The following NEDD4 variants were observed in gnomAD, a reference collection of about 807,000 sequenced individuals.
The protein encoded by NEDD4 is NEDD4 E3 ubiquitin protein ligase.
A neutral mutation model predicts 144.9 loss-of-function variants in NEDD4; 99 were observed. That is an observed-to-expected ratio of 0.68 (90% CI 0.58 to 0.81). NEDD4 has a LOEUF of 0.81. Among genes scored for constraint, NEDD4 ranks in the 30% least tolerant of loss-of-function variants. The pLI is 0.00. For missense variants in NEDD4, 985 were observed against 1,065.9 expected (o/e 0.92, Z 1.06); for synonymous variants, 318 against 350.6 (o/e 0.91, Z 1.04).
At chr15:55,896,050 A>G (rs67958775) in intron 5 of NEDD4, among the ~76,000 whole-genome samples, 21,760 of 152,124 alleles carry the variant, frequency 0.14, 1,703 homozygotes, top group East Asian at 0.36. Context: ...CTTGGCATGG[A>G]ATTCTAGTTT....
rs775374627 is a variant in NEDD4, at chr15:55,833,072, T to G, written c.2463A>C (p.Ile821=). The G allele has an allele frequency of 6.8e-6, 11 of 1,613,418 alleles. No individual in the cohort carries two copies. The highest frequency in any genetic ancestry group is 8.5e-6 in the Non-Finnish European group (10 of 1,179,746). ...TGCCAGTGACAAACTGAAGTAATCT[T>G]ATTCTTTTTTCTGAATCCATCATTA... ...AVLMMDSEKR[I]RLLQFVTGTS... Residue 821 remains isoleucine (I), a synonymous_variant, in exon 27 of 29, where the codon ATA becomes ATC. Transcript: ENST00000435532.
intron 24 of NEDD4, 39 bp from the exon 25 acceptor site, chr15:55,834,325 C>T: frequency 1.5e-6 from 2 of 1,351,182 alleles, no homozygotes; most frequent in Non-Finnish European, 2.1e-6. Flanking sequence ...ATGGGCAGGG[C>T]CAATGGCCTT....
chr15:55,833,954 C>T, intron 26 of NEDD4, 84 bp downstream of exon 26: 1 of 966,388 alleles, frequency 1.0e-6, no homozygotes, highest in South Asian at 1.5e-5. Context: ...AAATGTAATC[C>T]ACCAGTATAG....
chr15:55,858,239 T>TA (rs1354427015), intron 11 of NEDD4, among the ~76,000 whole-genome samples: 2 of 151,934 alleles, frequency 1.3e-5, no homozygotes, highest in South Asian at 2.1e-4. Flanking sequence ...TTACTTTAAG[T>TA]AAAAAAAATA....
intron 1 of NEDD4, among the ~76,000 whole-genome samples, chr15:55,971,796 T>C (rs1406364460): frequency 6.6e-6 from 1 of 152,086 alleles, no homozygotes; most frequent in East Asian, 1.9e-4. Context: ...CAAAGAAGAC[T>C]ACCTTAAGAC....
chr15:55,831,800 C>T (rs951090282), intron 27 of NEDD4, among the ~76,000 whole-genome samples: 4 of 152,280 alleles, frequency 2.6e-5, no homozygotes, highest in Admixed American at 2.0e-4. Flanking sequence ...GCAGCAGTCC[C>T]GACTTGTAGT....
chr15:55,827,357 G>A lies in NEDD4; in HGVS notation c.*2540C>T, dbSNP rs1051680934. ...TCTGGGATAAGGGGCTGTGTTGCTT[G>A]ATAGATGTTTCTTCCAGACCACGAG... is the stretch of plus-strand genomic sequence containing the variant. On this transcript the variant is annotated 3_prime_UTR_variant, in exon 29 of 29. Coordinates refer to ENST00000435532, the MANE Select transcript of NEDD4 (RefSeq NM_006154.4). The A allele has an allele frequency of 6.6e-6, 1 of 152,196 alleles. No individual in the cohort carries two copies. Among genetic ancestry groups the A allele is most frequent in the Non-Finnish European group, 1.5e-5 (1 of 68,030 alleles). 9.4% of individuals were successfully genotyped at this position (152,196 alleles called of 1,614,324 possible).
chr15:55,951,466 T>G, intron 3 of NEDD4, 45 bp downstream of exon 3: 4 of 1,409,526 alleles, frequency 2.8e-6, no homozygotes, highest in Non-Finnish European at 3.8e-6. Context: ...CTTATAAAAA[T>G]AAAACAAAGT....
At chr15:55,983,147 A>G (rs1416972948) in intron 1 of NEDD4, among the ~76,000 whole-genome samples, 1 of 152,090 alleles carries the variant, frequency 6.6e-6, no homozygotes, top group African/African-American at 2.4e-5. Context: ...TCTAGGTGAT[A>G]TATTTTAGGC....
intron 5 of NEDD4, among the ~76,000 whole-genome samples, chr15:55,915,083 A>T (rs2036392823): frequency 6.6e-6 from 1 of 152,108 alleles, no homozygotes. Context: ...CATTTTGTAC[A>T]CTGGTAAAAT....
In NEDD4 at chr15:55,946,471, TA is replaced by T. The variant is rs1490813673; in HGVS notation, c.237+4904del. Among the ~76,000 whole-genome samples the T allele has an allele frequency of 2.0e-5, 3 of 152,146 alleles. No individual in the cohort carries two copies. The East Asian group carries it at 5.8e-4, about 29-fold the overall frequency. Reference sequence around the variant, plus strand: ...AGAAGAGCTAACTATCCTAAATATATATGCACCCAATACAGAAGCACCCAGA... The same window carrying T: ...AGAAGAGCTAACTATCCTAAATATATTGCACCCAATACAGAAGCACCCAGA... On this transcript the variant is annotated intron_variant, in intron 4 of 28. Transcript: ENST00000435532.
chr15:55,830,673 T>C, intron 27 of NEDD4, 87 bp from the exon 28 acceptor site: 1 of 965,372 alleles, frequency 1.0e-6, no homozygotes, highest in Non-Finnish European at 1.7e-6. Context: ...CACTAGTTCC[T>C]ACACACACAC....
intron 1 of NEDD4, among the ~76,000 whole-genome samples, chr15:55,967,529 T>A (rs67522850): frequency 0.15 from 22,625 of 151,702 alleles, 1,834 homozygotes; most frequent in East Asian, 0.32. Flanking sequence ...AATTTGTGGA[T>A]CTAGTTCTTG....
intron 21 of NEDD4, among the ~76,000 whole-genome samples, chr15:55,838,828 TAATC>T (rs1406839000): frequency 6.6e-6 from 1 of 152,114 alleles, no homozygotes. Context: ...ATCAATCAAT[TAATC>T]AATTGGTGCC....
chr15:55,915,235 A>T, intron 5 of NEDD4: 1 of 1,464,252 alleles, frequency 6.8e-7, no homozygotes, highest in Non-Finnish European at 9.1e-7. Flanking sequence ...ATATTTCATT[A>T]AGTTATTCTC....
chr15:55,830,420 T>A, intron 28 of NEDD4, 94 bp downstream of exon 28: 1 of 1,103,242 alleles, frequency 9.1e-7, no homozygotes, highest in East Asian at 2.4e-5. Flanking sequence ...GCCACCGACA[T>A]AACACAGAGG....
Position 55,968,903 on chromosome 15 carries a change from G to C in NEDD4, c.46-2357C>G, listed in dbSNP as rs148411050. 4.1e-3 allele frequency among the ~76,000 whole-genome samples: 620 copies of C among 152,294 alleles called. 5 individuals carry two copies. Among genetic ancestry groups the C allele is most frequent in the African/African-American group, 0.014 (598 of 41,546 alleles). ...ATGGCTCATTAGAACCCTCCAGTGA[G>C]AGTCCCCACCAAGGAACATCAAATT... On this transcript the variant is annotated intron_variant, in intron 1 of 28. Transcript: ENST00000435532.
chr15:55,919,292 T>C (rs1231158580), intron 5 of NEDD4, among the ~76,000 whole-genome samples: 3 of 152,178 alleles, frequency 2.0e-5, no homozygotes, highest in Non-Finnish European at 4.4e-5. Flanking sequence ...TTTCAGGATT[T>C]TTCTTGTTGT....
chr15:55,890,729 G>A (rs185501070), intron 5 of NEDD4, among the ~76,000 whole-genome samples: 152 of 152,218 alleles, frequency 1.0e-3, no homozygotes, highest in African/African-American at 3.5e-3. Flanking sequence ...CTGCCAGACC[G>A]TTTTCCAAAG....
Sources: allele counts gnomAD v4.1 joint callset (sites outside exome capture counted in the v4.1 genomes callset), GRCh38; gene constraint gnomAD v4.1.1; transcripts MANE v1.5; gene names NCBI Gene and HGNC (gene_info 2026-07-23, HGNC 2026-07-21).